The following DISC1 variants were observed in gnomAD, a reference collection of about 807,000 sequenced individuals.
DISC1 encodes the protein disrupted in schizophrenia 1 protein.
DISC1 carries 57 observed loss-of-function variants against 84.5 expected under a neutral mutation model. That is an observed-to-expected ratio of 0.67 (90% CI 0.55 to 0.84). DISC1 has a LOEUF of 0.84. Ranked by LOEUF, DISC1 falls within the 40% of genes least tolerant of loss-of-function variation. DISC1 has a pLI of 0.00. For synonymous variants in DISC1, 411 were observed against 415.2 expected, an observed-to-expected ratio of 0.99 and a Z score of 0.12; for missense variants, 1,000 against 1,057.8, an observed-to-expected ratio of 0.95 and a Z score of 0.76.
intron 6 of DISC1, among the ~76,000 whole-genome samples, chr1:231,789,114 A>T (rs2078118032): frequency 6.6e-6 from 1 of 152,172 alleles, no homozygotes; most frequent in African/African-American, 2.4e-5. Flanking sequence ...TGACCTGGGG[A>T]TTGGGGTGGA....
At chr1:231,707,048 C>T (rs2067173638) in intron 3 of DISC1, among the ~76,000 whole-genome samples, 1 of 152,178 alleles carries the variant, frequency 6.6e-6, no homozygotes, top group Admixed American at 6.6e-5. Flanking sequence ...ATTTCCTTTT[C>T]CCTGCGTTTC....
intron 7 of DISC1, among the ~76,000 whole-genome samples, chr1:231,798,761 C>T (rs201026039): frequency 9.9e-5 from 15 of 151,988 alleles, no homozygotes; most frequent in Non-Finnish European, 1.3e-4. Context: ...ACCAAACTGT[C>T]GTCTTCATCC....
chr1:231,857,559 T>C (rs1031225341), intron 9 of DISC1, among the ~76,000 whole-genome samples: 1 of 152,208 alleles, frequency 6.6e-6, no homozygotes, highest in African/African-American at 2.4e-5. Context: ...ATACTAGATA[T>C]TCTCCATGGA....
intron 3 of DISC1, chr1:231,722,470 T>G: frequency 6.2e-7 from 1 of 1,609,570 alleles, no homozygotes; most frequent in South Asian, 1.1e-5. Context: ...CTTCAAATAC[T>G]GTTAGTCCCA....
At chr1:232,021,059 T>G (rs200920803) in intron 11 of DISC1, among the ~76,000 whole-genome samples, 1 of 152,170 alleles carries the variant, frequency 6.6e-6, no homozygotes, top group Non-Finnish European at 1.5e-5. Flanking sequence ...ACATGATCAT[T>G]TAAATAGACA....
At chr1:231,728,007 G>T (rs531836907) in intron 3 of DISC1, among the ~76,000 whole-genome samples, 1 of 152,090 alleles carries the variant, frequency 6.6e-6, no homozygotes, top group South Asian at 2.1e-4. Context: ...TATATTATAA[G>T]ATTGTTTAGG....
At chr1:231,644,073 G>A (rs935039110) in intron 1 of DISC1, among the ~76,000 whole-genome samples, 2 of 152,238 alleles carry the variant, frequency 1.3e-5, no homozygotes, top group Non-Finnish European at 2.9e-5. Context: ...AGCAGACAGA[G>A]AATTCTGGAG....
At chr1:231,810,720 C>T (rs2080213811) in intron 8 of DISC1, among the ~76,000 whole-genome samples, 1 of 152,146 alleles carries the variant, frequency 6.6e-6, no homozygotes, top group Non-Finnish European at 1.5e-5. Flanking sequence ...ATCCTGTGTG[C>T]TTGGTCAGGG....
intron 11 of DISC1, among the ~76,000 whole-genome samples, chr1:232,025,513 C>T (rs974525842): frequency 5.9e-5 from 9 of 151,888 alleles, no homozygotes; most frequent in Non-Finnish European, 1.3e-4. Context: ...TTCATCAAAT[C>T]GATCAATACT....
At chr1:231,691,757 T>C (rs540193675) in intron 1 of DISC1, among the ~76,000 whole-genome samples, 1 of 152,356 alleles carries the variant, frequency 6.6e-6, no homozygotes, top group Admixed American at 6.5e-5. Flanking sequence ...ACGTTTTGCC[T>C]GCTTTGCAAG....
chr1:231,763,961 G>A (rs1010657280), intron 4 of DISC1, among the ~76,000 whole-genome samples: 1 of 152,206 alleles, frequency 6.6e-6, no homozygotes, highest in Non-Finnish European at 1.5e-5. Flanking sequence ...CATATATTAG[G>A]ATCAGTTACT....
chr1:231,629,297 G>C (rs2058514204), intron 1 of DISC1: 2 of 152,610 alleles, frequency 1.3e-5, no homozygotes, highest in Non-Finnish European at 2.9e-5. Flanking sequence ...AGAACCCTTA[G>C]GATAGCACAT....
intron 6 of DISC1, among the ~76,000 whole-genome samples, chr1:231,783,974 G>A (rs1466800503): frequency 6.6e-6 from 1 of 152,064 alleles, no homozygotes; most frequent in Admixed American, 6.6e-5. Flanking sequence ...CTTATAAAAT[G>A]TGACATCGGC....
intron 1 of DISC1, chr1:231,670,567 T>C (rs567596006): frequency 2.3e-4 from 35 of 152,366 alleles, no homozygotes; most frequent in African/African-American, 8.2e-4. Context: ...ATGTCAAATA[T>C]TAGTTTTTTC....
intron 9 of DISC1, among the ~76,000 whole-genome samples, chr1:231,945,908 C>T (rs1438165077): frequency 3.3e-5 from 5 of 152,102 alleles, no homozygotes; most frequent in Non-Finnish European, 7.4e-5. Context: ...CCGTCTAAAC[C>T]AGGAAGGAGT....
At chr1:231,726,146 C>T (rs201667019) in intron 3 of DISC1, among the ~76,000 whole-genome samples, 18 of 152,054 alleles carry the variant, frequency 1.2e-4, no homozygotes, top group Non-Finnish European at 2.5e-4. Context: ...ACAGGCACAG[C>T]CCCAAAATAA....
At chr1:231,773,937 A>G (rs2076756614) in intron 6 of DISC1, among the ~76,000 whole-genome samples, 1 of 151,964 alleles carries the variant, frequency 6.6e-6, no homozygotes, top group African/African-American at 2.4e-5. Flanking sequence ...TTCAGAAACC[A>G]TGAAGGCTTC....
chr1:231,628,957 G>A (rs1273633866), intron 1 of DISC1, among the ~76,000 whole-genome samples: 3 of 151,604 alleles, frequency 2.0e-5, no homozygotes, highest in Non-Finnish European at 2.9e-5. Context: ...GGCTGGTCTC[G>A]ACCTCCTGGC....
At chr1:231,816,650 C>G (rs2081013725) in intron 8 of DISC1, among the ~76,000 whole-genome samples, 1 of 152,148 alleles carries the variant, frequency 6.6e-6, no homozygotes, top group Non-Finnish European at 1.5e-5. Context: ...TGTTCCAGCA[C>G]CATTTATTGA....
Sources: allele counts gnomAD v4.1 joint callset (sites outside exome capture counted in the v4.1 genomes callset), GRCh38; gene constraint gnomAD v4.1.1; transcripts MANE v1.5; gene names NCBI Gene and HGNC (gene_info 2026-07-23, HGNC 2026-07-21).